COL4A1: variants seen among roughly 807,000 people sequenced by gnomAD.
COL4A1 encodes collagen type IV alpha 1 chain, also known as collagen alpha-1(IV) chain.
Under a neutral mutation model 216.6 loss-of-function variants are expected in COL4A1, and 40 were observed. The observed-to-expected ratio is 0.18, with a 90% confidence interval of 0.14 to 0.24. The LOEUF is 0.24. COL4A1 is among the 10% of genes least tolerant of loss of function. COL4A1 has a pLI of 1.00. For synonymous variants in COL4A1, 839 were observed against 810.7 expected, an observed-to-expected ratio of 1.03 and a Z score of -0.59; for missense variants, 1,628 against 2,196.8, an observed-to-expected ratio of 0.74 and a Z score of 5.18.
At chr13:110,248,840 T>C (rs1031792742) in intron 1 of COL4A1, among the ~76,000 whole-genome samples, 1 of 152,204 alleles carries the variant, frequency 6.6e-6, no homozygotes, top group African/African-American at 2.4e-5. Context: ...CACAAAATGC[T>C]GGTGTGGTGA....
chr13:110,302,601 A>C (rs895820783), intron 1 of COL4A1, among the ~76,000 whole-genome samples: 2 of 152,208 alleles, frequency 1.3e-5, no homozygotes, highest in Non-Finnish European at 2.9e-5. Flanking sequence ...CCAGGAGAAC[A>C]ATGGAGGGAA....
intron 1 of COL4A1, among the ~76,000 whole-genome samples, chr13:110,271,155 A>G (rs368909938): frequency 1.3e-5 from 2 of 152,236 alleles, no homozygotes; most frequent in Admixed American, 6.5e-5. Flanking sequence ...GAGCAAAGGG[A>G]AAGCTCTTCC....
chr13:110,248,739 C>T (rs1483278305), intron 1 of COL4A1, among the ~76,000 whole-genome samples: 3 of 152,180 alleles, frequency 2.0e-5, no homozygotes, highest in Non-Finnish European at 2.9e-5. Flanking sequence ...GTGATCCACA[C>T]GCCTCAGCCT....
At chr13:110,229,548 C>T (rs745560215) in intron 2 of COL4A1, among the ~76,000 whole-genome samples, 4 of 152,202 alleles carry the variant, frequency 2.6e-5, no homozygotes, top group East Asian at 1.9e-4. Context: ...AATGTCCATG[C>T]CCCGCCCCAA....
chr13:110,154,142 T>C (rs1594528913), intron 50 of COL4A1, among the ~76,000 whole-genome samples: 1 of 152,236 alleles, frequency 6.6e-6, no homozygotes, highest in African/African-American at 2.4e-5. Context: ...TTCCTGACAG[T>C]GTGAAGATGG....
intron 1 of COL4A1, among the ~76,000 whole-genome samples, chr13:110,286,070 A>G (rs1389695836): frequency 2.0e-5 from 3 of 152,142 alleles, no homozygotes; most frequent in African/African-American, 7.2e-5. Flanking sequence ...GTGAGCTATG[A>G]GTCTGGAGAG....
At chr13:110,301,711 G>A (rs780699776) in intron 1 of COL4A1, among the ~76,000 whole-genome samples, 8 of 152,200 alleles carry the variant, frequency 5.3e-5, no homozygotes, top group Non-Finnish European at 1.2e-4. Flanking sequence ...GAGGGAAGAC[G>A]AGAGGACACT....
In COL4A1 at chr13:110,169,782, C is replaced by T. The variant is rs780511886; in HGVS notation, c.3743-20G>A. 6.5e-5 allele frequency: 105 copies of T among 1,613,604 alleles called. No homozygotes were observed. The highest frequency in any genetic ancestry group is 8.5e-5 in the Non-Finnish European group (100 of 1,179,946). On this transcript the variant is annotated intron_variant, in intron 42 of 51. Coordinates refer to ENST00000375820, the MANE Select transcript of COL4A1 (RefSeq NM_001845.6). ...GAAGTCCTAATGGAAGAGAAGAAAG[C>T]CACACATTTGGGGTTAAATATGCAC...
chr13:110,240,524 G>A (rs529790526), intron 2 of COL4A1, among the ~76,000 whole-genome samples: 120 of 152,254 alleles, frequency 7.9e-4, no homozygotes, highest in Admixed American at 1.3e-3. Flanking sequence ...CCTAAGCAGG[G>A]CGCAAGCCCC....
intron 18 of COL4A1, among the ~76,000 whole-genome samples, chr13:110,202,301 G>A (rs947210584): frequency 1.3e-5 from 2 of 150,730 alleles, no homozygotes; most frequent in African/African-American, 4.9e-5. Flanking sequence ...AGGCACTTTC[G>A]GCTCCTTAAC....
intron 1 of COL4A1, among the ~76,000 whole-genome samples, chr13:110,271,210 C>A (rs767997982): frequency 2.0e-5 from 3 of 152,186 alleles, no homozygotes; most frequent in Non-Finnish European, 2.9e-5. Flanking sequence ...ATGGAGACAG[C>A]GGCGCCAACC....
chr13:110,250,472 T>A (rs1882023218), intron 1 of COL4A1, among the ~76,000 whole-genome samples: 1 of 152,196 alleles, frequency 6.6e-6, no homozygotes, highest in Non-Finnish European at 1.5e-5. Context: ...TTTTGTTGAC[T>A]CATGTTTCAC....
intron 21 of COL4A1, among the ~76,000 whole-genome samples, chr13:110,198,081 GT>G (rs1285967892): frequency 1.6e-4 from 20 of 127,674 alleles, no homozygotes; most frequent in African/African-American, 8.2e-4. Flanking sequence ...TTTCTGGGGT[GT>G]GTGTGTGTGT....
chr13:110,177,898 G>A lies in COL4A1; in HGVS notation c.2660C>T (p.Pro887Leu). Reference protein sequence around the residue: ...SKGEMGVMGTPGQPGSPGPVG... With the variant: ...SKGEMGVMGTLGQPGSPGPVG... ...TGGTCCTGGTGAGCCCGGCTGCCCG[G>A]GGGTCCCCATGACGCCCATTTCTCC... Residue 887 changes from proline to leucine, a missense_variant, in exon 33 of 52, where the codon CCC (proline) becomes CTC (leucine). By Grantham distance (98) the Pro-to-Leu change is moderately conservative (BLOSUM62 -3). This residue lies in a region of COL4A1 where 701 missense variants were observed against 892.5 expected (regional missense o/e 0.79). Transcript: ENST00000375820. The A allele has an allele frequency of 6.2e-7, 1 of 1,614,140 alleles. No individual in the cohort carries two copies. Among genetic ancestry groups the A allele is most frequent in the Non-Finnish European group, 8.5e-7 (1 of 1,180,030 alleles).
chr13:110,300,220 T>G (rs1333163658), intron 1 of COL4A1, among the ~76,000 whole-genome samples: 1 of 152,222 alleles, frequency 6.6e-6, no homozygotes, highest in African/African-American at 2.4e-5. Flanking sequence ...AATACTGACC[T>G]AGTACCTTCA....
At chr13:110,200,042 A>C (rs539682796) in intron 20 of COL4A1, among the ~76,000 whole-genome samples, 1 of 152,350 alleles carries the variant, frequency 6.6e-6, no homozygotes, top group Non-Finnish European at 1.5e-5. Flanking sequence ...GACCAGCTGG[A>C]AAGGAAACAA....
At chr13:110,150,589 C>A (rs1594525766) in intron 51 of COL4A1, 145 bp from the exon 52 acceptor site, 1 of 799,200 alleles carries the variant, frequency 1.3e-6, no homozygotes, top group East Asian at 2.7e-5. Flanking sequence ...AGTGAGCAGG[C>A]AGGTGCTGGG....
intron 1 of COL4A1, among the ~76,000 whole-genome samples, chr13:110,289,299 G>T (rs974301944): frequency 6.6e-6 from 1 of 152,142 alleles, no homozygotes; most frequent in East Asian, 1.9e-4. Context: ...CCAGGCCGGG[G>T]TGCCATCCAC....
rs9588117 is a variant in COL4A1, at chr13:110,207,996, C to T, written c.694-507G>A. On this transcript the variant is annotated intron_variant, in intron 12 of 51. Transcript: ENST00000375820. The surrounding 1 kb of genome is among the most constrained non-coding windows in gnomAD (Gnocchi z 4.4). ...TTTCAAAGTTTATGAAAAGACTGGG[C>T]CAAAATCTTGGGTGGCAAGCAGAGG... Among the ~76,000 whole-genome samples, 40,473 of 152,124 alleles carry T rather than the reference C, an allele frequency of 0.27. 5,577 individuals carry two copies. Among genetic ancestry groups the T allele is most frequent in the Admixed American group, 0.32 (4,913 of 15,286 alleles).
Sources: allele counts gnomAD v4.1 joint callset (sites outside exome capture counted in the v4.1 genomes callset), GRCh38; gene constraint gnomAD v4.1.1; regional missense constraint gnomAD v4.1.1; non-coding constraint Gnocchi (gnomAD v3.1); transcripts MANE v1.5; gene names NCBI Gene and HGNC (gene_info 2026-07-23, HGNC 2026-07-21).